Variants in USPL1 observed in about 807,000 individuals in gnomAD.
The protein encoded by USPL1 is ubiquitin specific peptidase like 1.
Under a neutral mutation model 51.5 loss-of-function variants are expected in USPL1, and 27 were observed. The observed-to-expected ratio is 0.52, with a 90% CI of 0.39 to 0.72. USPL1 has a LOEUF of 0.72. Among genes scored for constraint, USPL1 ranks in the 30% least tolerant of loss-of-function variants. The probability of loss-of-function intolerance (pLI) is 0.00; values close to 1 mark genes in which losing one functional copy is unlikely to be tolerated. For synonymous variants in USPL1, 451 were observed against 459.6 expected (o/e 0.98, Z 0.24); for missense variants, 1,226 against 1,268.0 (o/e 0.97, Z 0.50).
chr13:30,652,133 T>G (rs1951099985), intron 7 of USPL1, among the ~76,000 whole-genome samples: 1 of 152,242 alleles, frequency 6.6e-6, no homozygotes, highest in South Asian at 2.1e-4. Context: ...GCAGCATGTT[T>G]TCATAGTGGT....
chr13:30,633,608 T>TA (rs1168641015), intron 4 of USPL1, among the ~76,000 whole-genome samples: 3 of 151,464 alleles, frequency 2.0e-5, no homozygotes, highest in African/African-American at 4.9e-5. Flanking sequence ...CCATCTCTAC[T>TA]AAAAAATACA....
intron 1 of USPL1, 83 bp from the exon 2 acceptor site, chr13:30,620,990 A>G (rs578243027): frequency 1.2e-4 from 76 of 625,232 alleles, no homozygotes; most frequent in Non-Finnish European, 1.9e-4. Flanking sequence ...TCTGCTTACT[A>G]TATACGTCTT....
At chr13:30,643,838 G>A (rs1490797502) in intron 6 of USPL1, among the ~76,000 whole-genome samples, 1 of 151,302 alleles carries the variant, frequency 6.6e-6, no homozygotes, top group Admixed American at 6.6e-5. Context: ...TTGAACTCCT[G>A]ACCTCAGGTG....
At chr13:30,627,246 A>T (rs1950729075) in intron 3 of USPL1, among the ~76,000 whole-genome samples, 1 of 152,192 alleles carries the variant, frequency 6.6e-6, no homozygotes. Context: ...ATACATGTTC[A>T]CTGTAAATAG....
At chr13:30,634,385 T>C (rs1190252105) in intron 4 of USPL1, among the ~76,000 whole-genome samples, 1 of 152,230 alleles carries the variant, frequency 6.6e-6, no homozygotes, top group Non-Finnish European at 1.5e-5. Context: ...AATTTTCCGC[T>C]TAATATTTTC....
intron 3 of USPL1, among the ~76,000 whole-genome samples, chr13:30,624,140 C>T (rs535535154): frequency 5.9e-5 from 9 of 152,212 alleles, no homozygotes; most frequent in Non-Finnish European, 1.0e-4. Context: ...CTGACATGGT[C>T]TCTAGGTAGA....
chr13:30,625,879 G>T (rs1030901357), intron 3 of USPL1, among the ~76,000 whole-genome samples: 3 of 152,112 alleles, frequency 2.0e-5, no homozygotes, highest in Non-Finnish European at 4.4e-5. Flanking sequence ...TTTCTAGTCA[G>T]CAATGAGAGC....
chr13:30,657,800 G>C lies in USPL1; in HGVS notation c.1723G>C (p.Gly575Arg), dbSNP rs765909047. 1.2e-6 allele frequency: 2 copies of C among 1,613,966 alleles called. No individual in the cohort carries two copies. Among genetic ancestry groups the C allele is most frequent in the Non-Finnish European group, 1.7e-6 (2 of 1,180,022 alleles). The change falls in exon 9 of 9, where the codon GGT becomes CGT. Residue 575 changes from glycine to arginine, a missense_variant. Transcript: ENST00000255304. ...AACTCATGGAGATCATTTACTTTCA[G>C]GTCCAAAAGGTTTGGTTGACAATAT... is the stretch of plus-strand genomic sequence containing the variant. ...AVTHGDHLLS[G>R]PKGLVDNILP...
At chr13:30,618,321 C>A (rs1389539551) in intron 1 of USPL1, among the ~76,000 whole-genome samples, 2 of 152,110 alleles carry the variant, frequency 1.3e-5, no homozygotes, top group African/African-American at 4.8e-5. Context: ...CCCTGCGCCT[C>A]CTTCGGCTTC....
chr13:30,641,285 C>T (rs529370254), intron 5 of USPL1, among the ~76,000 whole-genome samples: 6 of 152,336 alleles, frequency 3.9e-5, no homozygotes, highest in East Asian at 1.9e-4. Context: ...CCTTGTGGTC[C>T]TGCCAAGGTG....
chr13:30,657,684 T>C lies in USPL1; in HGVS notation c.1607T>C (p.Val536Ala). ...CCAGTATCTTTAACATCGTGTTCTG[T>C]GGGTGATGCTGCCTCAGCTGAAACA... ...EKPVSLTSCSVGDAASAETAS... is the reference protein window; with the variant it reads ...EKPVSLTSCSAGDAASAETAS... The change falls in exon 9 of 9, where the codon GTG (valine) becomes GCG (alanine). Residue 536 changes from valine to alanine, a missense_variant. Physicochemically the swap from Val to Ala is moderately conservative, Grantham distance 64 (BLOSUM62 0). Coordinates refer to ENST00000255304, the MANE Select transcript of USPL1 (RefSeq NM_005800.5). The C allele has an allele frequency of 6.2e-7, 1 of 1,614,164 alleles. No individual in the cohort carries two copies.
chr13:30,635,490 G>T (rs1167056072), intron 4 of USPL1, among the ~76,000 whole-genome samples: 1 of 151,960 alleles, frequency 6.6e-6, no homozygotes, highest in African/African-American at 2.4e-5. Flanking sequence ...TTATTCTCTT[G>T]GTTACTTTGT....
intron 5 of USPL1, 138 bp downstream of exon 5, chr13:30,637,995 G>A (rs1261626306): frequency 2.8e-6 from 2 of 723,560 alleles, no homozygotes; most frequent in African/African-American, 1.8e-5. Flanking sequence ...GTTTGACTTA[G>A]GAATCTACCA....
chr13:30,659,132 C>G lies in USPL1; in HGVS notation c.3055C>G (p.His1019Asp). The G allele has an allele frequency of 1.2e-6, 2 of 1,614,214 alleles. No homozygotes were observed. Among genetic ancestry groups the G allele is most frequent in the Non-Finnish European group, 1.7e-6 (2 of 1,180,044 alleles). The change falls in exon 9 of 9, where the codon CAT (histidine) becomes GAT (aspartate). Residue 1019 changes from histidine (H) to aspartate (D), a missense_variant. Coordinates refer to ENST00000255304, the MANE Select transcript of USPL1 (RefSeq NM_005800.5). ...ATTCAATGATGTTTCCCAGAACACA[C>G]ATCTGAGACAGGACCATAATTATTG... ...SEFNDVSQNT[H>D]LRQDHNYCSP...
At chr13:30,621,734 A>G (rs757794936) in intron 2 of USPL1, 30 bp from the exon 3 acceptor site, 15 of 1,427,008 alleles carry the variant, frequency 1.1e-5, no homozygotes, top group East Asian at 2.6e-5. Flanking sequence ...AGGAATGTCT[A>G]TATTTTAATT....
intron 7 of USPL1, among the ~76,000 whole-genome samples, chr13:30,652,187 T>C (rs775585501): frequency 7.2e-5 from 11 of 152,254 alleles, no homozygotes; most frequent in African/African-American, 2.7e-4. Flanking sequence ...GAAATAGATA[T>C]GATTTTTTAA....
At chr13:30,653,416 C>G in intron 8 of USPL1, 111 bp downstream of exon 8, 1 of 1,107,856 alleles carries the variant, frequency 9.0e-7, no homozygotes, top group Non-Finnish European at 1.3e-6. Flanking sequence ...TGTCCTGACT[C>G]TTTCTCTCTC....
In USPL1 at chr13:30,628,024, G is replaced by A. The variant is rs561328455; in HGVS notation, c.229-2811G>A. ...CCTGAGTAGCTGGGACTACAGGGGT[G>A]CACCACCATGCCTGGCTAATTTTTT... On this transcript the variant is annotated intron_variant, in intron 3 of 8. Coordinates refer to ENST00000255304, the MANE Select transcript of USPL1 (RefSeq NM_005800.5). Among the ~76,000 whole-genome samples, 3 of 148,734 alleles carry A rather than the reference G, an allele frequency of 2.0e-5. No homozygotes were observed. The East Asian group carries it at 5.9e-4, about 29-fold the overall frequency.
At chr13:30,636,563 C>G (rs55750644) in intron 4 of USPL1, among the ~76,000 whole-genome samples, 2 of 152,064 alleles carry the variant, frequency 1.3e-5, no homozygotes, top group African/African-American at 4.8e-5. Context: ...AAATAATTTT[C>G]TTATTAATCT....
Sources: allele counts gnomAD v4.1 joint callset (sites outside exome capture counted in the v4.1 genomes callset), GRCh38; gene constraint gnomAD v4.1.1; transcripts MANE v1.5; gene names NCBI Gene and HGNC (gene_info 2026-07-23, HGNC 2026-07-21).